TMPRSS15: variants seen among roughly 807,000 people sequenced by gnomAD.
TMPRSS15 encodes enteropeptidase.
A neutral mutation model predicts 125.3 loss-of-function variants in TMPRSS15; 128 were observed. That is an observed-to-expected ratio of 1.02 (90% CI 0.89 to 1.18). The LOEUF (loss-of-function observed/expected upper bound fraction) is 1.18, where lower values mean the gene tolerates loss of function less well. TMPRSS15 is among the 50% of genes most tolerant of loss of function. The pLI, the probability that TMPRSS15 is intolerant of heterozygous loss-of-function variation, is 0.00. For synonymous variants in TMPRSS15, 446 were observed against 423.2 expected (o/e 1.05, Z -0.66); for missense variants, 1,283 against 1,212.7 (o/e 1.06, Z -0.86).
chr21:18,291,889 T>C (rs2074840018), intron 21 of TMPRSS15, among the ~76,000 whole-genome samples: 1 of 152,158 alleles, frequency 6.6e-6, no homozygotes, highest in South Asian at 2.1e-4. Flanking sequence ...CATTTTATTG[T>C]CCTATGTGAT....
intron 10 of TMPRSS15, 143 bp from the exon 11 acceptor site, chr21:18,344,203 C>G: frequency 1.4e-6 from 1 of 728,266 alleles, no homozygotes; most frequent in Non-Finnish European, 2.3e-6. Flanking sequence ...GGACACTAGA[C>G]TCGAGCTCAG....
rs762349457 is a variant in TMPRSS15, at chr21:18,329,413, A to C, written c.1655-119T>G. ...AAATCAATTTTTTTTCCACTTCATGAAAATCAGTGTTTCAAGGTGTTTCTT... is the reference window on the plus strand; with the variant it reads ...AAATCAATTTTTTTTCCACTTCATGCAAATCAGTGTTTCAAGGTGTTTCTT... On this transcript the variant is annotated intron_variant, in intron 14 of 24. Transcript: ENST00000284885. The C allele has an allele frequency of 2.1e-4, 219 of 1,037,864 alleles. 1 individual carries two copies. The highest frequency in any genetic ancestry group is 2.9e-4 in the Non-Finnish European group (211 of 730,196). The allele number at this position is 1,037,864 out of a possible 1,614,324, so 64.3% of individuals were successfully genotyped here. A position where few individuals can be genotyped will look rare whatever the true frequency, so the allele number is the denominator to read the frequency against.
intron 21 of TMPRSS15, among the ~76,000 whole-genome samples, chr21:18,292,670 G>A (rs2074852934): frequency 6.6e-6 from 1 of 152,198 alleles, no homozygotes; most frequent in South Asian, 2.1e-4. Context: ...TAGCAAGGTT[G>A]CTAACTTATT....
chr21:18,405,249 C>G (rs2076142193), upstream of TMPRSS15, among the ~76,000 whole-genome samples: 1 of 152,084 alleles, frequency 6.6e-6, no homozygotes, highest in East Asian at 1.9e-4. Context: ...ATTGAAAGCC[C>G]AAAATAATGC....
chr21:18,324,509 A>T (rs2075270294), intron 16 of TMPRSS15, among the ~76,000 whole-genome samples: 1 of 152,208 alleles, frequency 6.6e-6, no homozygotes, highest in Non-Finnish European at 1.5e-5. Flanking sequence ...AAAGACGGCC[A>T]TCTTCTTCCA....
Position 18,353,074 on chromosome 21 carries a change from G to A in TMPRSS15, c.1022-22C>T, listed in dbSNP as rs529304807. 75 of 1,602,132 alleles carry A rather than the reference G, an allele frequency of 4.7e-5. 1 individual carries two copies. The South Asian group carries it at 7.7e-4, about 16-fold the overall frequency. On this transcript the variant is annotated intron_variant, in intron 9 of 24. Transcript: ENST00000284885. ...TAATCTGTGAATGAAAAAAAAGAAG[G>A]AATAAAAAAAATTTAGTCCATAATG...
At chr21:18,385,448 C>T (rs935669490) in intron 3 of TMPRSS15, among the ~76,000 whole-genome samples, 15 of 152,110 alleles carry the variant, frequency 9.9e-5, no homozygotes, top group Admixed American at 8.5e-4. Context: ...TATTACCTGG[C>T]CTTGGTCAAC....
At chr21:18,426,485 G>A (rs2076202894) in intron 1 of TMPRSS15, among the ~76,000 whole-genome samples, 1 of 152,112 alleles carries the variant, frequency 6.6e-6, no homozygotes, top group Admixed American at 6.6e-5. Context: ...TTCATGATAT[G>A]TCAACAAAAT....
chr21:18,315,103 G>A lies in TMPRSS15; in HGVS notation c.2032+43C>T, dbSNP rs933520482. On this transcript the variant is annotated intron_variant, in intron 17 of 24. Transcript: ENST00000284885. ...TTTGACACTGTAGAGTCCAAATGCA[G>A]AGGCTAAAGTCATAAAAGTATTTTC... 2.0e-6 allele frequency: 3 copies of A among 1,480,038 alleles called. No individual in the cohort carries two copies. The Admixed American group carries it at 5.0e-5, about 25-fold the overall frequency. The allele number at this position is 1,480,038 out of a possible 1,614,324, so 91.7% of individuals were successfully genotyped here.
chr21:18,344,550 G>A (rs1258837111), intron 10 of TMPRSS15, among the ~76,000 whole-genome samples: 3 of 152,106 alleles, frequency 2.0e-5, no homozygotes, highest in Admixed American at 1.3e-4. Context: ...ATAAGAACCT[G>A]CCTTATTTTA....
At chr21:18,408,901 C>T (rs552431291) in intron 1 of TMPRSS15, among the ~76,000 whole-genome samples, 1 of 151,910 alleles carries the variant, frequency 6.6e-6, no homozygotes, top group East Asian at 1.9e-4. Flanking sequence ...TGAACTAGTC[C>T]TCCTTTATTG....
intron 3 of TMPRSS15, among the ~76,000 whole-genome samples, chr21:18,393,769 T>C (rs2076009801): frequency 6.6e-6 from 1 of 152,204 alleles, no homozygotes; most frequent in East Asian, 1.9e-4. Context: ...ATGTCTGTTA[T>C]AAATTAGTCA....
At chr21:18,380,241 A>G (rs2075880483) in intron 4 of TMPRSS15, among the ~76,000 whole-genome samples, 1 of 151,690 alleles carries the variant, frequency 6.6e-6, no homozygotes, top group South Asian at 2.1e-4. Flanking sequence ...ACACACTCAT[A>G]TATCTCTCAT....
intron 1 of TMPRSS15, among the ~76,000 whole-genome samples, chr21:18,474,532 C>T (rs1423500379): frequency 2.0e-5 from 3 of 152,028 alleles, no homozygotes; most frequent in Non-Finnish European, 4.4e-5. Flanking sequence ...TCAGGTGATC[C>T]ATACACCTCG....
chr21:18,414,121 C>T (rs536976815), intron 1 of TMPRSS15, among the ~76,000 whole-genome samples: 1 of 152,198 alleles, frequency 6.6e-6, no homozygotes, highest in East Asian at 1.9e-4. Context: ...GATATTATTT[C>T]TCCTTTTTAT....
intron 12 of TMPRSS15, 108 bp downstream of exon 12, chr21:18,343,398 A>T: frequency 9.4e-7 from 1 of 1,069,316 alleles, no homozygotes; most frequent in Non-Finnish European, 1.4e-6. Flanking sequence ...AGAGAAAGTG[A>T]CTTGATTATC....
At chr21:18,387,191 G>C (rs1252959087) in intron 3 of TMPRSS15, among the ~76,000 whole-genome samples, 4 of 152,036 alleles carry the variant, frequency 2.6e-5, no homozygotes, top group Non-Finnish European at 4.4e-5. Flanking sequence ...CTGTTTAGTT[G>C]TTTAGTAATG....
chr21:18,408,389 T>C (rs1450150748), upstream of TMPRSS15, among the ~76,000 whole-genome samples: 1 of 152,202 alleles, frequency 6.6e-6, no homozygotes, highest in Non-Finnish European at 1.5e-5. Flanking sequence ...TCTAATACAG[T>C]TACATTTTTA....
At position 18,329,294 on chromosome 21, in the gene TMPRSS15, C is replaced by A; in HGVS notation, c.1655G>T (p.Cys552Phe). 1 of 1,608,640 alleles carries A rather than the reference C, an allele frequency of 6.2e-7. No individual in the cohort carries two copies. The highest frequency in any genetic ancestry group is 8.5e-7 in the Non-Finnish European group (1 of 1,176,986). The change falls in exon 15 of 25, where the codon TGT becomes TTT. Residue 552 changes from cysteine to phenylalanine, a missense_variant and splice_region_variant. Physicochemically the swap from Cys to Phe is radical, Grantham distance 205. Transcript: ENST00000284885. ...FPNSYPNLAF[C>F]VWILNAQKGK... ...TTTTTGTGCATTTAAAATCCAAACA[C>A]CTAAAAAGTAAGAAGTAACATTTAA...
Sources: allele counts gnomAD v4.1 joint callset (sites outside exome capture counted in the v4.1 genomes callset), GRCh38; gene constraint gnomAD v4.1.1; transcripts MANE v1.5; gene names NCBI Gene and HGNC (gene_info 2026-07-23, HGNC 2026-07-21).